The following PPA2 variants were observed in gnomAD, a reference collection of about 807,000 sequenced individuals.
The protein encoded by PPA2 is inorganic pyrophosphatase 2, also known as inorganic pyrophosphatase 2, mitochondrial.
PPA2 carries 48 observed loss-of-function variants against 49.5 expected under a neutral mutation model. That is an observed-to-expected ratio of 0.97 (90% CI 0.77 to 1.23). PPA2 has a LOEUF of 1.23. PPA2 is among the 50% of genes most tolerant of loss of function. The pLI is 0.00. For missense variants in PPA2, 429 were observed against 410.1 expected, an observed-to-expected ratio of 1.05 and a Z score of -0.40; for synonymous variants, 131 against 139.9, an observed-to-expected ratio of 0.94 and a Z score of 0.45.
chr4:105,465,453 C>G (rs1268749619), intron 1 of PPA2, among the ~76,000 whole-genome samples: 1 of 152,170 alleles, frequency 6.6e-6, no homozygotes, highest in Non-Finnish European at 1.5e-5. Flanking sequence ...CATCCTAAGA[C>G]TGCTTCTTTG....
At chr4:105,424,111 C>G in intron 7 of PPA2, 85 bp downstream of exon 7, 1 of 1,365,364 alleles carries the variant, frequency 7.3e-7, no homozygotes, top group South Asian at 1.3e-5. Flanking sequence ...GTACATTTAA[C>G]TCCCCTATGT....
chr4:105,439,905 A>G (rs898282328), intron 5 of PPA2, among the ~76,000 whole-genome samples: 5 of 108,470 alleles, frequency 4.6e-5, no homozygotes, highest in African/African-American at 1.5e-4. Flanking sequence ...TCACTGTTCA[A>G]TTCCTACCTA....
At chr4:105,473,663 G>A in intron 1 of PPA2, 1 of 777,982 alleles carries the variant, frequency 1.3e-6, no homozygotes. Flanking sequence ...CGGCAGCCCT[G>A]CGCCTCTGCT....
chr4:105,461,988 A>G (rs900981477), intron 1 of PPA2, among the ~76,000 whole-genome samples: 31 of 152,228 alleles, frequency 2.0e-4, no homozygotes, highest in African/African-American at 7.2e-4. Context: ...TCCAGGGCCA[A>G]TCATGTTGAT....
intron 6 of PPA2, among the ~76,000 whole-genome samples, chr4:105,435,473 G>A (rs1041615727): frequency 1.3e-5 from 2 of 152,022 alleles, no homozygotes; most frequent in Non-Finnish European, 2.9e-5. Flanking sequence ...ATACATGCAC[G>A]CAACATCAGA....
chr4:105,464,420 G>A (rs1469684740), intron 1 of PPA2, among the ~76,000 whole-genome samples: 1 of 152,180 alleles, frequency 6.6e-6, no homozygotes, highest in Non-Finnish European at 1.5e-5. Context: ...GACTTGCCTT[G>A]TCTCAGATGA....
chr4:105,393,317 G>A (rs1325710633), intron 9 of PPA2, among the ~76,000 whole-genome samples: 2 of 151,604 alleles, frequency 1.3e-5, no homozygotes, highest in African/African-American at 4.8e-5. Flanking sequence ...AACATAGCGA[G>A]ACCCTGTCCA....
At chr4:105,402,604 G>A (rs1722263458) in intron 7 of PPA2, among the ~76,000 whole-genome samples, 1 of 152,180 alleles carries the variant, frequency 6.6e-6, no homozygotes, top group African/African-American at 2.4e-5. Context: ...TACGATTAGA[G>A]AAGCAGTCAC....
intron 7 of PPA2, among the ~76,000 whole-genome samples, chr4:105,415,376 A>C (rs1402724478): frequency 1.3e-5 from 2 of 152,204 alleles, no homozygotes; most frequent in African/African-American, 4.8e-5. Flanking sequence ...CGTCAGCGCC[A>C]AAAGTCCAGA....
chr4:105,460,209 A>C (rs1723027796), intron 1 of PPA2, among the ~76,000 whole-genome samples: 3 of 152,208 alleles, frequency 2.0e-5, no homozygotes, highest in Non-Finnish European at 4.4e-5. Flanking sequence ...ACATAATACA[A>C]ATAAAACAAT....
intron 1 of PPA2, among the ~76,000 whole-genome samples, chr4:105,462,856 A>G (rs1383555283): frequency 2.0e-5 from 3 of 152,186 alleles, no homozygotes; most frequent in South Asian, 2.1e-4. Context: ...CTGCCACCAT[A>G]TGAGACGTGC....
At chr4:105,449,843 T>C (rs548824973) in intron 3 of PPA2, among the ~76,000 whole-genome samples, 18 of 152,254 alleles carry the variant, frequency 1.2e-4, no homozygotes, top group Admixed American at 3.3e-4. Context: ...AATGACAATA[T>C]ACAGAAAATT....
chr4:105,415,575 G>A (rs1004756955), intron 7 of PPA2, among the ~76,000 whole-genome samples: 1 of 152,234 alleles, frequency 6.6e-6, no homozygotes, highest in Non-Finnish European at 1.5e-5. Context: ...GCCCCCGAGA[G>A]TGCAGGGATG....
Position 105,399,134 on chromosome 4 carries a change from C to T in PPA2, c.686G>A (p.Gly229Asp). ...DIDDVKKFKP[G>D]YLEATLNWFR... ...CCAATTAAGAGTAGCTTCCAGGTAA[C>T]CCGGTTTGAACTTCTTAACATCATC... The change falls in exon 8 of 12, where the codon GGT (glycine) becomes GAT (aspartate). Residue 229 changes from glycine to aspartate, a missense_variant. Physicochemically the swap from Gly to Asp is moderately conservative, Grantham distance 94. Transcript: ENST00000341695. 1 of 1,608,006 alleles carries T rather than the reference C, an allele frequency of 6.2e-7. No individual in the cohort carries two copies. The highest frequency in any genetic ancestry group is 2.2e-5 in the East Asian group (1 of 44,774).
chr4:105,460,188 T>C (rs1469088431), intron 1 of PPA2, among the ~76,000 whole-genome samples: 1 of 152,098 alleles, frequency 6.6e-6, no homozygotes, highest in Admixed American at 6.5e-5. Context: ...AAAATAAAAA[T>C]GCAACAATAA....
intron 10 of PPA2, among the ~76,000 whole-genome samples, chr4:105,378,151 G>A (rs1477273678): frequency 6.6e-6 from 1 of 152,050 alleles, no homozygotes; most frequent in East Asian, 1.9e-4. Flanking sequence ...GTACTATTTT[G>A]CATTCTAACC....
intron 6 of PPA2, among the ~76,000 whole-genome samples, chr4:105,427,082 C>T (rs903682434): frequency 6.6e-6 from 1 of 152,192 alleles, no homozygotes; most frequent in Non-Finnish European, 1.5e-5. Flanking sequence ...CTCCAGCAAA[C>T]TCCAACAGAC....
chr4:105,398,217 T>A (rs1734223328), intron 8 of PPA2: 1 of 152,026 alleles, frequency 6.6e-6, no homozygotes, highest in Non-Finnish European at 1.5e-5. Context: ...AAATAATGTA[T>A]AAATTTTCAA....
chr4:105,414,984 T>A (rs147510742), intron 7 of PPA2, among the ~76,000 whole-genome samples: 3 of 152,020 alleles, frequency 2.0e-5, no homozygotes, highest in African/African-American at 7.2e-5. Flanking sequence ...AGAGAGGACA[T>A]CCAGAGCGGG....
Sources: gnomAD v4.1 joint callset for allele counts (sites outside exome capture counted in the v4.1 genomes callset) on GRCh38, gnomAD v4.1.1 for gene constraint, MANE v1.5 for transcripts, NCBI Gene and HGNC (gene_info 2026-07-23, HGNC 2026-07-21) for gene names.